Variants in URI1 observed in about 807,000 individuals in gnomAD.
URI1 encodes the protein unconventional prefoldin RPB5 interactor 1.
URI1 carries 39 observed loss-of-function variants against 60.2 expected under a neutral mutation model. That is an observed-to-expected ratio of 0.65 (90% confidence interval 0.50 to 0.85). The LOEUF is 0.85. URI1 is among the 40% of genes least tolerant of loss of function. URI1 has a pLI of 0.00. For synonymous variants in URI1, 251 were observed against 236.8 expected (o/e 1.06, Z -0.55); for missense variants, 691 against 665.9 (o/e 1.04, Z -0.42).
At chr19:29,928,192 G>C (rs1392187574) in intron 1 of URI1, among the ~76,000 whole-genome samples, 1 of 152,104 alleles carries the variant, frequency 6.6e-6, no homozygotes, top group Admixed American at 6.6e-5. Flanking sequence ...CCGGCTGCCT[G>C]GCTGGGAGCG....
intron 4 of URI1, among the ~76,000 whole-genome samples, chr19:29,993,954 A>G (rs2055778308): frequency 6.6e-6 from 1 of 151,964 alleles, no homozygotes; most frequent in Admixed American, 6.5e-5. Context: ...ATGGCTATAT[A>G]GTATTATATT....
intron 1 of URI1, among the ~76,000 whole-genome samples, chr19:29,960,934 A>G (rs1415735743): frequency 4.6e-5 from 7 of 152,226 alleles, no homozygotes; most frequent in South Asian, 2.1e-4. Flanking sequence ...GCTCACTGCA[A>G]CCTTGAACTC....
At chr19:29,942,065 G>C (rs563218854), upstream of URI1, among the ~76,000 whole-genome samples, 48 of 150,710 alleles carry the variant, frequency 3.2e-4, no homozygotes, top group East Asian at 7.0e-3. Context: ...AAGAAATATC[G>C]GCATAAAATG....
chr19:29,953,562 A>T lies in URI1; in HGVS notation c.117+10898A>T, dbSNP rs74554200. 2.5e-3 allele frequency among the ~76,000 whole-genome samples: 387 copies of T among 152,342 alleles called. 7 individuals carry two copies. In the East Asian group the frequency reaches 0.043, roughly 17 times the overall value. ...ACAAAGATGGTGTCTGTTATCATTTATACTGTCTTGAAAGATGATGCAATA... is the reference window on the plus strand; with the variant it reads ...ACAAAGATGGTGTCTGTTATCATTTTTACTGTCTTGAAAGATGATGCAATA... On this transcript the variant is annotated intron_variant, in intron 1 of 10. Transcript: ENST00000392271.
intron 1 of URI1, among the ~76,000 whole-genome samples, chr19:29,961,463 C>T (rs1185066958): frequency 6.6e-6 from 1 of 152,006 alleles, no homozygotes; most frequent in Non-Finnish European, 1.5e-5. Flanking sequence ...CAAGGTTCGT[C>T]CACGTTGTGG....
chr19:29,934,699 CTTAT>C (rs2054953644), intron 1 of URI1, among the ~76,000 whole-genome samples: 1 of 152,068 alleles, frequency 6.6e-6, no homozygotes, highest in African/African-American at 2.4e-5. Flanking sequence ...CCAAACCTGG[CTTAT>C]TTTTTTTTAA....
intron 1 of URI1, among the ~76,000 whole-genome samples, chr19:29,961,030 A>T (rs1023375504): frequency 3.9e-4 from 57 of 147,154 alleles, no homozygotes; most frequent in East Asian, 1.4e-3. Context: ...AAAAAAAAAA[A>T]TTTTTTTTTT....
At chr19:29,946,116 G>C (rs1451204422) in intron 1 of URI1, among the ~76,000 whole-genome samples, 1 of 152,146 alleles carries the variant, frequency 6.6e-6, no homozygotes, top group Admixed American at 6.5e-5. Context: ...AAGATACAGG[G>C]AGAGGAGAGA....
intron 1 of URI1, among the ~76,000 whole-genome samples, chr19:29,924,178 G>C (rs1442568940): frequency 6.6e-6 from 1 of 152,082 alleles, no homozygotes; most frequent in Non-Finnish European, 1.5e-5. Flanking sequence ...TTTTTACTCG[G>C]TCTACTGATT....
chr19:29,923,831 A>G (rs2054842912), intron 1 of URI1: 1 of 1,396,900 alleles, frequency 7.2e-7, no homozygotes, highest in East Asian at 2.5e-5. Flanking sequence ...AACCACATGG[A>G]TTAGTCAGAG....
At chr19:30,011,315 T>A in intron 9 of URI1, 79 bp downstream of exon 9, 1 of 1,502,888 alleles carries the variant, frequency 6.7e-7, no homozygotes, top group South Asian at 1.4e-5. Flanking sequence ...TGGAGAAAGT[T>A]GACTGTAACA....
In URI1 at chr19:29,996,231, C is replaced by T. The variant is rs1016874835; in HGVS notation, c.368-9130C>T. 3.3e-5 allele frequency among the ~76,000 whole-genome samples: 5 copies of T among 152,078 alleles called. No individual in the cohort carries two copies. In the South Asian group the frequency reaches 8.3e-4, roughly 25 times the overall value. On this transcript the variant is annotated intron_variant, in intron 4 of 10. Coordinates refer to ENST00000392271, the MANE Select transcript of URI1 (RefSeq NM_003796.3). The stretch of plus-strand genomic sequence containing the variant: ...ACATCCTAATTATTAAATATATTCA[C>T]TCCGTGAACATAGGATATCTATTTA...
At chr19:30,003,929 A>G (rs2055907823) in intron 4 of URI1, among the ~76,000 whole-genome samples, 2 of 152,114 alleles carry the variant, frequency 1.3e-5, no homozygotes, top group Non-Finnish European at 2.9e-5. Flanking sequence ...AAAACATTCC[A>G]TAACCTTAAC....
chr19:29,959,237 G>A (rs1259715232), intron 1 of URI1, among the ~76,000 whole-genome samples: 4 of 151,968 alleles, frequency 2.6e-5, no homozygotes, highest in Admixed American at 1.3e-4. Context: ...TGATCCTCTC[G>A]CCTCAGTCTC....
At chr19:29,962,300 A>G (rs2055335878) in intron 1 of URI1, among the ~76,000 whole-genome samples, 1 of 131,434 alleles carries the variant, frequency 7.6e-6, no homozygotes, top group Non-Finnish European at 1.7e-5. Flanking sequence ...AACATTTTGT[A>G]TTGTTATTTC....
chr19:30,003,108 C>G (rs1383578053), intron 4 of URI1, among the ~76,000 whole-genome samples: 1 of 151,968 alleles, frequency 6.6e-6, no homozygotes. Flanking sequence ...ATTAAATTCT[C>G]ATTCTGCTTT....
At chr19:29,992,665 A>AG (rs2055761529) in intron 4 of URI1, among the ~76,000 whole-genome samples, 1 of 152,208 alleles carries the variant, frequency 6.6e-6, no homozygotes, top group African/African-American at 2.4e-5. Context: ...GTTTTACTCT[A>AG]AATACTTGCT....
chr19:29,988,442 C>G (rs1010490457), intron 4 of URI1, among the ~76,000 whole-genome samples: 7 of 152,190 alleles, frequency 4.6e-5, no homozygotes, highest in African/African-American at 1.7e-4. Flanking sequence ...AGATACTGCT[C>G]TCAGGACTCA....
At chr19:29,942,186 T>A, upstream of URI1, 1 of 978,304 alleles carries the variant, frequency 1.0e-6, no homozygotes, top group Non-Finnish European at 1.2e-6. Context: ...GAGCTGGGCG[T>A]GTCGGGGGCG....
Sources: gnomAD v4.1 joint callset for allele counts (sites outside exome capture counted in the v4.1 genomes callset) on GRCh38, gnomAD v4.1.1 for gene constraint, MANE v1.5 for transcripts, NCBI Gene and HGNC (gene_info 2026-07-23, HGNC 2026-07-21) for gene names.